Variants in KIAA0319L observed in about 807,000 individuals in gnomAD.
The protein encoded by KIAA0319L is KIAA0319 like.
A neutral mutation model predicts 120.1 loss-of-function variants in KIAA0319L; 55 were observed. The observed-to-expected ratio is 0.46, with a 90% CI of 0.37 to 0.57. KIAA0319L has a LOEUF of 0.57. Ranked by LOEUF, KIAA0319L falls within the 20% of genes least tolerant of loss-of-function variation. The probability of loss-of-function intolerance (pLI) is 0.00; values close to 1 mark genes in which losing one functional copy is unlikely to be tolerated. For synonymous variants in KIAA0319L, 398 were observed against 471.9 expected (o/e 0.84, Z 2.03); for missense variants, 1,049 against 1,255.3 (o/e 0.84, Z 2.48).
At chr1:35,448,106 C>T in intron 16 of KIAA0319L, 67 bp downstream of exon 16, 1 of 1,424,248 alleles carries the variant, frequency 7.0e-7, no homozygotes, top group Non-Finnish European at 9.5e-7. Flanking sequence ...CACTATTTCT[C>T]AGCTCATTCA....
chr1:35,448,360 T>A, intron 15 of KIAA0319L, 28 bp from the exon 16 acceptor site: 1 of 1,606,180 alleles, frequency 6.2e-7, no homozygotes, highest in Non-Finnish European at 8.5e-7. Context: ...CAGTCATGGC[T>A]TTAGAAGTAG....
In KIAA0319L at chr1:35,459,596, C is replaced by CAA. The variant is rs60312606; in HGVS notation, c.1427+707_1427+708dup. Reference sequence around the variant, plus strand: ...TGGGCGACAGAGCAAGACTCTGTCTCAAAAAAAAAAAAAGAAAATGTGCAT... The same window carrying CAA: ...TGGGCGACAGAGCAAGACTCTGTCTCAAAAAAAAAAAAAAAGAAAATGTGCAT... On this transcript the variant is annotated intron_variant, in intron 9 of 20. Coordinates refer to ENST00000325722, the MANE Select transcript of KIAA0319L (RefSeq NM_024874.5). 2.8e-3 allele frequency among the ~76,000 whole-genome samples: 288 copies of CAA among 104,044 alleles called. 4 individuals carry two copies. Among genetic ancestry groups the CAA allele is most frequent in the Non-Finnish European group, 2.3e-3 (113 of 48,284 alleles). 68.3% of individuals were successfully genotyped at this position (104,044 alleles called of 152,430 possible).
At chr1:35,475,320 C>A (rs1035311925) in intron 4 of KIAA0319L, among the ~76,000 whole-genome samples, 1 of 152,136 alleles carries the variant, frequency 6.6e-6, no homozygotes, top group Non-Finnish European at 1.5e-5. Context: ...GAGTTCAAAT[C>A]CTGTTTCAAG....
intron 2 of KIAA0319L, among the ~76,000 whole-genome samples, chr1:35,546,614 T>C (rs1646992501): frequency 6.6e-6 from 1 of 152,242 alleles, no homozygotes; most frequent in Admixed American, 6.5e-5. Context: ...ACTGAGTAAG[T>C]AATTTTAAAA....
chr1:35,546,265 A>G (rs1300929718), intron 2 of KIAA0319L, among the ~76,000 whole-genome samples: 1 of 152,218 alleles, frequency 6.6e-6, no homozygotes, highest in East Asian at 1.9e-4. Flanking sequence ...AGTGCTGTGC[A>G]TTGGCTAAGA....
At chr1:35,553,835 C>T (rs765263839) in intron 2 of KIAA0319L, among the ~76,000 whole-genome samples, 1 of 152,168 alleles carries the variant, frequency 6.6e-6, no homozygotes. Flanking sequence ...AAAGCATAGT[C>T]TAAAAAATCT....
intron 3 of KIAA0319L, among the ~76,000 whole-genome samples, chr1:35,487,880 C>A (rs1446624220): frequency 6.6e-6 from 1 of 152,198 alleles, no homozygotes; most frequent in Non-Finnish European, 1.5e-5. Context: ...ATGGAGTCTG[C>A]CCATGCAGGT....
intron 2 of KIAA0319L, among the ~76,000 whole-genome samples, chr1:35,540,225 C>T (rs919666476): frequency 6.6e-6 from 1 of 152,182 alleles, no homozygotes; most frequent in African/African-American, 2.4e-5. Context: ...CTTTGGACAG[C>T]GTCTGTGATG....
At chr1:35,494,006 T>A (rs1035243318) in intron 3 of KIAA0319L, among the ~76,000 whole-genome samples, 1 of 152,204 alleles carries the variant, frequency 6.6e-6, no homozygotes, top group Non-Finnish European at 1.5e-5. Flanking sequence ...TCCAAATTGA[T>A]CTACACTCCC....
intron 9 of KIAA0319L, among the ~76,000 whole-genome samples, chr1:35,458,888 T>C (rs1183855074): frequency 6.6e-6 from 1 of 151,772 alleles, no homozygotes; most frequent in African/African-American, 2.4e-5. Flanking sequence ...CGTAGAAGGC[T>C]CCAATCTTGT....
In KIAA0319L at chr1:35,453,838, G is replaced by C; in HGVS notation, c.1781-149C>G. 4.3e-6 allele frequency: 3 copies of C among 698,276 alleles called. No homozygotes were observed. Among genetic ancestry groups the C allele is most frequent in the Non-Finnish European group, 4.7e-6 (2 of 429,952 alleles). The allele number at this position is 698,276 out of a possible 1,614,324, so 43.3% of individuals were successfully genotyped here. A position where few individuals can be genotyped will look rare whatever the true frequency, so the allele number is the denominator to read the frequency against. On this transcript the variant is annotated intron_variant, in intron 11 of 20. Coordinates refer to ENST00000325722, the MANE Select transcript of KIAA0319L (RefSeq NM_024874.5). The surrounding 1 kb of genome is among the most constrained non-coding windows in gnomAD (Gnocchi z 4.1). ...TGTGGGAGATGTGGTTACCGTCAGGGAGCACACAATAAAGAATATAAGGCT... is the reference window on the plus strand; with the variant it reads ...TGTGGGAGATGTGGTTACCGTCAGGCAGCACACAATAAAGAATATAAGGCT...
At chr1:35,464,545 A>AT (rs1643121872) in intron 7 of KIAA0319L, among the ~76,000 whole-genome samples, 1 of 152,240 alleles carries the variant, frequency 6.6e-6, no homozygotes, top group South Asian at 2.1e-4. Context: ...GAAGTAGAAC[A>AT]TAAAAGTTCA....
intron 2 of KIAA0319L, among the ~76,000 whole-genome samples, chr1:35,545,444 ACAT>A (rs1257496546): frequency 6.6e-6 from 1 of 152,230 alleles, no homozygotes; most frequent in Non-Finnish European, 1.5e-5. Context: ...TATTATGAGA[ACAT>A]TAGAGAAGTC....
rs1452465954 is a variant in KIAA0319L, at chr1:35,554,505, G to C, written c.-14C>G. The C allele has an allele frequency of 6.3e-7, 1 of 1,590,668 alleles. No individual in the cohort carries two copies. On this transcript the variant is annotated 5_prime_UTR_variant, in exon 2 of 21. Coordinates refer to ENST00000325722, the MANE Select transcript of KIAA0319L (RefSeq NM_024874.5). ...CCTCTTCTCCATGGCCCTCCAGACA[G>C]GCAGAACCAGTACACTAGAAGGACA...
chr1:35,502,356 C>T (rs888220370), intron 3 of KIAA0319L, among the ~76,000 whole-genome samples: 6 of 151,028 alleles, frequency 4.0e-5, no homozygotes, highest in Non-Finnish European at 7.4e-5. Context: ...AGTTAATACA[C>T]GTAAAGGGTT....
chr1:35,451,704 G>C lies in KIAA0319L; in HGVS notation c.1986C>G (p.Thr662=). Residue 662 remains threonine, a synonymous_variant, in exon 13 of 21, where the codon ACC becomes ACG. Coordinates refer to ENST00000325722, the MANE Select transcript of KIAA0319L (RefSeq NM_024874.5). ...VATVTGLQVG[T]YVFTLTVKDE... ...CTTTGACAGTCAAGGTGAACACATAGGTCCCCACTTGCAGCCCAGTCACAG... is the reference window on the plus strand; with the variant it reads ...CTTTGACAGTCAAGGTGAACACATACGTCCCCACTTGCAGCCCAGTCACAG... The C allele has an allele frequency of 2.5e-6, 4 of 1,614,064 alleles. No homozygotes were observed. The highest frequency in any genetic ancestry group is 3.4e-6 in the Non-Finnish European group (4 of 1,179,980).
At chr1:35,474,666 C>T (rs1176992317) in intron 5 of KIAA0319L, 139 bp downstream of exon 5, 2 of 561,362 alleles carry the variant, frequency 3.6e-6, no homozygotes, top group Admixed American at 3.5e-5. Context: ...TAGTGTATGC[C>T]AGTAGTTCCA....
At chr1:35,459,545 C>T (rs947360222) in intron 9 of KIAA0319L, among the ~76,000 whole-genome samples, 8 of 150,744 alleles carry the variant, frequency 5.3e-5, no homozygotes, top group African/African-American at 1.7e-4. Flanking sequence ...TGCAGTGAGC[C>T]GAAATCACGC....
intron 3 of KIAA0319L, among the ~76,000 whole-genome samples, chr1:35,504,358 G>A (rs972083019): frequency 2.0e-5 from 3 of 151,854 alleles, no homozygotes; most frequent in Non-Finnish European, 2.9e-5. Context: ...CACCACGCCC[G>A]GCTAACTTTT....
Sources: allele counts gnomAD v4.1 joint callset (sites outside exome capture counted in the v4.1 genomes callset), GRCh38; gene constraint gnomAD v4.1.1; non-coding constraint Gnocchi (gnomAD v3.1); transcripts MANE v1.5; gene names NCBI Gene and HGNC (gene_info 2026-07-23, HGNC 2026-07-21).